Variants in ASAP2 observed in about 807,000 individuals in gnomAD.
ASAP2 encodes the protein ArfGAP with SH3 domain, ankyrin repeat and PH domain 2, also known as arf-GAP with SH3 domain, ANK repeat and PH domain-containing protein 2.
Under a neutral mutation model 131.4 loss-of-function variants are expected in ASAP2, and 45 were observed. That is an observed-to-expected ratio of 0.34 (90% CI 0.27 to 0.44). ASAP2 has a LOEUF of 0.44. Among genes scored for constraint, ASAP2 ranks in the 20% least tolerant of loss-of-function variants. ASAP2 has a pLI of 1.00. For missense variants in ASAP2, 1,011 were observed against 1,297.0 expected (o/e 0.78, Z 3.39); for synonymous variants, 510 against 503.0 (o/e 1.01, Z -0.19).
intron 1 of ASAP2, among the ~76,000 whole-genome samples, chr2:9,227,544 T>G (rs577917054): frequency 6.6e-6 from 1 of 152,330 alleles, no homozygotes; most frequent in Admixed American, 6.5e-5. Flanking sequence ...GGGACAGGGC[T>G]CATGCACATT....
chr2:9,255,713 G>A (rs1167984382), intron 1 of ASAP2, among the ~76,000 whole-genome samples: 1 of 152,180 alleles, frequency 6.6e-6, no homozygotes, highest in African/African-American at 2.4e-5. Context: ...GTGCTCCAGA[G>A]GTTCTTCAGG....
At chr2:9,229,109 G>A (rs1176836659) in intron 1 of ASAP2, among the ~76,000 whole-genome samples, 1 of 152,116 alleles carries the variant, frequency 6.6e-6, no homozygotes, top group Non-Finnish European at 1.5e-5. Context: ...GAGAAGCGGA[G>A]TTTTAGTACA....
chr2:9,297,044 A>G (rs1668192685), intron 2 of ASAP2, among the ~76,000 whole-genome samples: 1 of 152,210 alleles, frequency 6.6e-6, no homozygotes, highest in Non-Finnish European at 1.5e-5. Flanking sequence ...TGGCCATCTC[A>G]TCTGATATGC....
chr2:9,293,011 G>A (rs1558303115), intron 2 of ASAP2, among the ~76,000 whole-genome samples: 3 of 152,360 alleles, frequency 2.0e-5, no homozygotes, highest in African/African-American at 2.4e-5. Flanking sequence ...TAGAGGGGGC[G>A]CAAAGGAGCC....
intron 3 of ASAP2, among the ~76,000 whole-genome samples, 164 bp from the exon 4 acceptor site, chr2:9,318,360 A>C (rs1359147200): frequency 6.6e-6 from 1 of 152,180 alleles, no homozygotes; most frequent in Non-Finnish European, 1.5e-5. Context: ...GTAAGATGAA[A>C]TTGTTACAAA....
chr2:9,247,092 C>G (rs1177737071), intron 1 of ASAP2, among the ~76,000 whole-genome samples: 1 of 152,176 alleles, frequency 6.6e-6, no homozygotes, highest in African/African-American at 2.4e-5. Flanking sequence ...CTGCCTTAGC[C>G]TCTAAAATGC....
intron 1 of ASAP2, among the ~76,000 whole-genome samples, chr2:9,231,803 T>G (rs1256883087): frequency 6.6e-6 from 1 of 152,204 alleles, no homozygotes; most frequent in Non-Finnish European, 1.5e-5. Context: ...CCTTGAGGTT[T>G]TAGCTCTGTC....
intron 1 of ASAP2, among the ~76,000 whole-genome samples, chr2:9,215,592 T>C (rs886083020): frequency 1.3e-5 from 2 of 151,818 alleles, no homozygotes; most frequent in African/African-American, 4.8e-5. Flanking sequence ...ATTTTTTTTT[T>C]CCAATCCAAG....
Position 9,334,870 on chromosome 2 carries a change from C to A in ASAP2, c.762+57C>A, listed in dbSNP as rs1671094117. 3 of 1,528,342 alleles carry A rather than the reference C, an allele frequency of 2.0e-6. No individual in the cohort carries two copies. The East Asian group carries it at 6.8e-5, about 34-fold the overall frequency. The allele number at this position is 1,528,342 out of a possible 1,614,324, so 94.7% of individuals were successfully genotyped here. A position where few individuals can be genotyped will look rare whatever the true frequency, so the allele number is the denominator to read the frequency against. On this transcript the variant is annotated intron_variant, in intron 8 of 27. Transcript: ENST00000281419. ...ACCATCTTAATGCAACAGACATTTT[C>A]ATCTAAATGTCACTTCTGTGTAATC... is the stretch of plus-strand genomic sequence containing the variant.
intron 19 of ASAP2, among the ~76,000 whole-genome samples, chr2:9,379,864 C>T (rs1018397935): frequency 2.6e-5 from 4 of 151,872 alleles, no homozygotes; most frequent in African/African-American, 9.7e-5. Context: ...TGGTGGCGCG[C>T]ACCTGTAGGC....
intron 20 of ASAP2, among the ~76,000 whole-genome samples, chr2:9,382,768 A>G (rs1674963323): frequency 6.6e-6 from 1 of 152,252 alleles, no homozygotes; most frequent in African/African-American, 2.4e-5. Context: ...GCAATACAGA[A>G]GCAGACTGCT....
At chr2:9,388,568 C>T in intron 22 of ASAP2, 22 bp downstream of exon 22, 1 of 1,604,578 alleles carries the variant, frequency 6.2e-7, no homozygotes, top group Non-Finnish European at 8.5e-7. Flanking sequence ...TCCGTCATCC[C>T]TGTGAATATA....
rs78633623 is a variant in ASAP2, at chr2:9,341,509, G to A, written c.850-3023G>A. On this transcript the variant is annotated intron_variant, in intron 9 of 27. Transcript: ENST00000281419. ...GAGAAGAATGTCCCTTATCCTGTTC[G>A]TGAGACCTGAAAATCGCTCTGATTA... 2.4e-4 allele frequency among the ~76,000 whole-genome samples: 36 copies of A among 152,238 alleles called. 1 individual carries two copies. The East Asian group carries it at 5.6e-3, about 24-fold the overall frequency.
At chr2:9,275,393 C>T (rs1402476054) in intron 1 of ASAP2, among the ~76,000 whole-genome samples, 1 of 152,128 alleles carries the variant, frequency 6.6e-6, no homozygotes, top group Non-Finnish European at 1.5e-5. Context: ...GTTCTTAGCA[C>T]GGTTGACCCA....
At chr2:9,262,438 T>C (rs1665641286) in intron 1 of ASAP2, among the ~76,000 whole-genome samples, 1 of 152,150 alleles carries the variant, frequency 6.6e-6, no homozygotes, top group South Asian at 2.1e-4. Context: ...CACATAAGCA[T>C]TGGTGATCTC....
At chr2:9,270,274 C>T (rs1353311191) in intron 1 of ASAP2, among the ~76,000 whole-genome samples, 2 of 152,210 alleles carry the variant, frequency 1.3e-5, no homozygotes, top group East Asian at 3.9e-4. Flanking sequence ...TTGCTTTTCC[C>T]CCGCTCTGAG....
chr2:9,285,311 G>A (rs1667396551), intron 2 of ASAP2, among the ~76,000 whole-genome samples: 3 of 152,106 alleles, frequency 2.0e-5, no homozygotes, highest in African/African-American at 7.2e-5. Context: ...AAGCTCCCAG[G>A]TGACGGCACT....
intron 2 of ASAP2, among the ~76,000 whole-genome samples, chr2:9,280,356 C>A (rs1667053260): frequency 6.6e-6 from 1 of 152,190 alleles, no homozygotes; most frequent in Admixed American, 6.5e-5. Context: ...CTGCTCCCCC[C>A]CACCGCCCCC....
chr2:9,299,202 C>T (rs891301294), intron 3 of ASAP2, among the ~76,000 whole-genome samples: 16 of 152,038 alleles, frequency 1.1e-4, no homozygotes, highest in Middle Eastern at 6.3e-3. Context: ...AAGTACCCAG[C>T]GCAATAAGGG....
Sources: gnomAD v4.1 joint callset for allele counts (sites outside exome capture counted in the v4.1 genomes callset) on GRCh38, gnomAD v4.1.1 for gene constraint, MANE v1.5 for transcripts, NCBI Gene and HGNC (gene_info 2026-07-23, HGNC 2026-07-21) for gene names.